The following ENDOU variants were observed in gnomAD, a reference collection of about 807,000 sequenced individuals.
ENDOU encodes endonuclease, poly(U) specific.
A neutral mutation model predicts 54.2 loss-of-function variants in ENDOU; 49 were observed. That is an observed-to-expected ratio of 0.90 (90% CI 0.72 to 1.15). The LOEUF is 1.15. Among genes scored for constraint, ENDOU ranks in the 50% most tolerant of loss-of-function variants. The pLI, the probability that ENDOU is intolerant of heterozygous loss-of-function variation, is 0.00. For missense variants in ENDOU, 458 were observed against 511.4 expected (o/e 0.90, Z 1.01); for synonymous variants, 172 against 190.5 (o/e 0.90, Z 0.80).
At chr12:47,714,734 G>A (rs57848393) in intron 6 of ENDOU, among the ~76,000 whole-genome samples, 13,614 of 152,216 alleles carry the variant, frequency 0.089, 664 homozygotes, top group African/African-American at 0.13. Flanking sequence ...TTCTACACTA[G>A]GTTCTGTGTG....
intron 8 of ENDOU, 82 bp from the exon 9 acceptor site, chr12:47,711,857 C>T (rs370555698): frequency 7.3e-6 from 11 of 1,509,724 alleles, no homozygotes; most frequent in South Asian, 4.6e-5. Flanking sequence ...AACAGTCAGA[C>T]AGTATTTGTT....
Position 47,716,339 on chromosome 12 carries a change from C to G in ENDOU, c.712G>C (p.Ala238Pro), listed in dbSNP as rs1350154080. 6.2e-7 allele frequency: 1 copy of G among 1,614,022 alleles called. No homozygotes were observed. ...DAFLREIMKTAVMKELYSFLH... is the reference protein window; with the variant it reads ...DAFLREIMKTPVMKELYSFLH... ...AAGCTGTAGAGCTCCTTCATGACTG[C>G]TGTCTTCATGATCTCTCTGAGGAAG... Residue 238 changes from alanine to proline, a missense_variant, in exon 6 of 10, where the codon GCA (alanine) becomes CCA (proline). Transcript: ENST00000422538.
chr12:47,725,342 GC>G lies in ENDOU; in HGVS notation c.55+16del. On this transcript the variant is annotated intron_variant, in intron 1 of 9. Coordinates refer to ENST00000422538, the MANE Select transcript of ENDOU (RefSeq NM_001172439.2). Reference sequence around the variant, plus strand: ...CCGCCCCACCAGCAATCCCATGCCCGCCAGATAGTGACTTACCAGCCCAGGC... The same window carrying G: ...CCGCCCCACCAGCAATCCCATGCCCGCAGATAGTGACTTACCAGCCCAGGC... The G allele has an allele frequency of 6.2e-7, 1 of 1,613,848 alleles. No homozygotes were observed. Among genetic ancestry groups the G allele is most frequent in the Non-Finnish European group, 8.5e-7 (1 of 1,179,834 alleles).
chr12:47,710,770 G>T lies in ENDOU; in HGVS notation c.*32C>A. The T allele has an allele frequency of 7.0e-7, 1 of 1,433,490 alleles. No homozygotes were observed. Among genetic ancestry groups the T allele is most frequent in the Middle Eastern group, 1.8e-4 (1 of 5,714 alleles). The allele number at this position is 1,433,490 out of a possible 1,614,324, so 88.8% of individuals were successfully genotyped here. ...AAGATAGCACTTCAGTCTCGCAAGA[G>T]CCCTCATGCCCCTTTCTGGCTCGAA... On this transcript the variant is annotated 3_prime_UTR_variant, in exon 10 of 10. Coordinates refer to ENST00000422538, the MANE Select transcript of ENDOU (RefSeq NM_001172439.2).
chr12:47,717,735 C>A, intron 3 of ENDOU, 80 bp from the exon 4 acceptor site: 1 of 1,473,846 alleles, frequency 6.8e-7, no homozygotes, highest in Non-Finnish European at 9.3e-7. Flanking sequence ...GCTCCCTAGC[C>A]TGGCTGTCTT....
In ENDOU at chr12:47,715,894, GAGT is replaced by G. The variant is rs1940208423; in HGVS notation, c.751+403_751+405del. On this transcript the variant is annotated intron_variant, in intron 6 of 9. Coordinates refer to ENST00000422538, the MANE Select transcript of ENDOU (RefSeq NM_001172439.2). The stretch of plus-strand genomic sequence containing the variant: ...TCCTGGACTTTATTGCGGGAGGAGG[GAGT>G]AGAGTCAGCGACTCTACCTGTCTGA... Among the ~76,000 whole-genome samples, 8 of 152,246 alleles carry G rather than the reference GAGT, an allele frequency of 5.3e-5. No individual in the cohort carries two copies. In the South Asian group the frequency reaches 1.7e-3, roughly 32 times the overall value.
intron 3 of ENDOU, 69 bp from the exon 4 acceptor site, chr12:47,717,724 C>T (rs1467054434): frequency 2.9e-5 from 44 of 1,527,610 alleles, no homozygotes; most frequent in Non-Finnish European, 3.7e-5. Context: ...CACAGGCTGT[C>T]GCTCCCTAGC....
chr12:47,711,932 G>T (rs1297378369), intron 8 of ENDOU, among the ~76,000 whole-genome samples, 157 bp from the exon 9 acceptor site: 1 of 152,178 alleles, frequency 6.6e-6, no homozygotes, highest in Non-Finnish European at 1.5e-5. Flanking sequence ...AGAAGAGGCA[G>T]TCTGCCTTGC....
chr12:47,723,123 G>C (rs1389705034), intron 1 of ENDOU, among the ~76,000 whole-genome samples: 1 of 152,222 alleles, frequency 6.6e-6, no homozygotes, highest in African/African-American at 2.4e-5. Context: ...CAGTTGAGAA[G>C]GGTTGCAAGC....
chr12:47,711,735 C>A lies in ENDOU; in HGVS notation c.1013G>T (p.Trp338Leu). Reference protein sequence around the residue: ...YPDVLAMQFNWDGYYKEVGSA... With the variant: ...YPDVLAMQFNLDGYYKEVGSA... ...GCCCACTTCCTTATAGTAGCCGTCCCAGTTGAACTGCATTGCCAGCACATC... is the reference window on the plus strand; with the variant it reads ...GCCCACTTCCTTATAGTAGCCGTCCAAGTTGAACTGCATTGCCAGCACATC... The change falls in exon 9 of 10, where the codon TGG (tryptophan) becomes TTG (leucine). Residue 338 changes from tryptophan to leucine, a missense_variant. Physicochemically the swap from Trp to Leu is moderately conservative, Grantham distance 61. Coordinates refer to ENST00000422538, the MANE Select transcript of ENDOU (RefSeq NM_001172439.2). 6.2e-7 allele frequency: 1 copy of A among 1,614,218 alleles called. No individual in the cohort carries two copies. Among genetic ancestry groups the A allele is most frequent in the Non-Finnish European group, 8.5e-7 (1 of 1,180,040 alleles).
At chr12:47,723,536 C>G (rs1015816945) in intron 1 of ENDOU, among the ~76,000 whole-genome samples, 15 of 152,190 alleles carry the variant, frequency 9.9e-5, no homozygotes, top group Non-Finnish European at 2.2e-4. Flanking sequence ...CTTTCTTCAT[C>G]TGAGCCTTTC....
rs1451723337 is a variant in ENDOU, at chr12:47,709,990, T to C, written c.*812A>G. The C allele has an allele frequency of 1.4e-5, 2 of 139,204 alleles. No individual in the cohort carries two copies. The highest frequency in any genetic ancestry group is 3.1e-5 in the Non-Finnish European group (2 of 63,950). 8.6% of individuals were successfully genotyped at this position (139,204 alleles called of 1,614,324 possible). On this transcript the variant is annotated 3_prime_UTR_variant, in exon 10 of 10. Transcript: ENST00000422538. ...TTCTTCTGATGCTGAATCATCCTCC[T>C]ATGAGGAGAACTCTTTCAAAAAAAA...
intron 8 of ENDOU, among the ~76,000 whole-genome samples, chr12:47,712,279 C>T (rs2136665973): frequency 6.6e-6 from 1 of 152,294 alleles, no homozygotes; most frequent in African/African-American, 2.4e-5. Context: ...GGCTCCCACC[C>T]CGATATGGTG....
rs902794282 is a variant in ENDOU at position 47,713,405 on chromosome 12, A to G, written c.752-17T>C. ...CATAGCGATCTGCAGAGGAACACAA[A>G]GGGTTTTGGAGAGGGGAGGCAGGGC... On this transcript the variant is annotated splice_polypyrimidine_tract_variant and intron_variant, in intron 6 of 9. Transcript: ENST00000422538. The G allele has an allele frequency of 5.0e-6, 8 of 1,596,478 alleles. No individual in the cohort carries two copies. The African/African-American group carries it at 1.1e-4, about 21-fold the overall frequency.
intron 1 of ENDOU, among the ~76,000 whole-genome samples, chr12:47,725,054 T>A (rs1390646354): frequency 2.0e-5 from 3 of 152,008 alleles, no homozygotes; most frequent in Non-Finnish European, 4.4e-5. Flanking sequence ...CAACAAAATC[T>A]TGGGGAGATC....
intron 6 of ENDOU, among the ~76,000 whole-genome samples, chr12:47,715,203 G>A (rs1011621704): frequency 4.6e-5 from 7 of 152,224 alleles, no homozygotes; most frequent in Non-Finnish European, 8.8e-5. Context: ...AGAGTGAGCT[G>A]GGGCAGGTGC....
chr12:47,712,676 C>G, intron 7 of ENDOU, 54 bp from the exon 8 acceptor site: 2 of 1,332,006 alleles, frequency 1.5e-6, no homozygotes, highest in Non-Finnish European at 1.1e-6. Context: ...ACCCTCCCCT[C>G]CAATCCCCTT....
intron 3 of ENDOU, 56 bp from the exon 4 acceptor site, chr12:47,717,711 C>G: frequency 6.3e-7 from 1 of 1,579,488 alleles, no homozygotes; most frequent in South Asian, 1.1e-5. Context: ...GCTCTGAACG[C>G]CCCACAGGCT....
rs929882377 is a variant in ENDOU, at chr12:47,713,330, G to A, written c.810C>T (p.Leu270=). 6.2e-7 allele frequency: 1 copy of A among 1,613,914 alleles called. No homozygotes were observed. The highest frequency in any genetic ancestry group is 1.3e-5 in the African/African-American group (1 of 74,904). Residue 270 remains leucine (L), a synonymous_variant, in exon 7 of 10, where the codon CTC becomes CTT. Coordinates refer to ENST00000422538, the MANE Select transcript of ENDOU (RefSeq NM_001172439.2). ...VDDLKNMWFG[L]YSRGNEEGDS... is the part of the protein sequence containing the mutation. Reference sequence around the variant, plus strand: ...CCCCCTCTTCATTGCCTCTTGAATAGAGCCCAAACCACATGTTCTTCAAGT... The same window carrying A: ...CCCCCTCTTCATTGCCTCTTGAATAAAGCCCAAACCACATGTTCTTCAAGT...
Sources: allele counts gnomAD v4.1 joint callset (sites outside exome capture counted in the v4.1 genomes callset), GRCh38; gene constraint gnomAD v4.1.1; transcripts MANE v1.5; gene names NCBI Gene and HGNC (gene_info 2026-07-23, HGNC 2026-07-21).